Variants in ZFHX3 observed in about 807,000 individuals in gnomAD.
ZFHX3 encodes zinc finger homeobox 3.
A neutral mutation model predicts 279.1 loss-of-function variants in ZFHX3; 42 were observed. The ratio of observed to expected loss-of-function variants is 0.15; its 90% CI spans 0.12 to 0.19. The LOEUF is 0.19. ZFHX3 is among the 10% of genes least tolerant of loss of function. The pLI is 1.00. For synonymous variants in ZFHX3, 2,293 were observed against 1,957.8 expected (o/e 1.17, Z -4.52); for missense variants, 4,981 against 4,754.0 (o/e 1.05, Z -1.40).
At chr16:72,971,852 A>G (rs895250259) in intron 1 of ZFHX3, among the ~76,000 whole-genome samples, 15 of 149,412 alleles carry the variant, frequency 1.0e-4, no homozygotes, top group African/African-American at 1.5e-4. Context: ...CTGGCAGTCT[A>G]CATTTCTTTT....
At chr16:72,834,043 T>C (rs1162271340) in intron 4 of ZFHX3, among the ~76,000 whole-genome samples, 1 of 152,080 alleles carries the variant, frequency 6.6e-6, no homozygotes. Flanking sequence ...ACTCAGGAGT[T>C]TGAGACCAAC....
intron 3 of ZFHX3, among the ~76,000 whole-genome samples, chr16:73,449,867 A>T (rs1378639261): frequency 1.3e-5 from 2 of 149,136 alleles, no homozygotes. Context: ...AGATTGTTTC[A>T]GAACTATATT....
intron 1 of ZFHX3, among the ~76,000 whole-genome samples, chr16:73,736,425 C>T (rs1009193747): frequency 6.6e-6 from 1 of 152,214 alleles, no homozygotes; most frequent in African/African-American, 2.4e-5. Flanking sequence ...AAACATCATC[C>T]TCATTCCTCA....
Position 72,798,005 on chromosome 16 carries a change from G to T in ZFHX3, c.4677C>A (p.Ile1559=), listed in dbSNP as rs2035974117. ...VCKESFTQKN[I]LLVHYNSVSH... is the part of the protein sequence containing the mutation. ...AGACAGAATTGTAGTGTACTAGCAG[G>T]ATATTCTTTTGAGTGAAAGATTCCT... The change falls in exon 9 of 10, where the codon ATC becomes ATA. Residue 1559 remains isoleucine, a synonymous_variant. Coordinates refer to ENST00000268489, the MANE Select transcript of ZFHX3 (RefSeq NM_006885.4). 1.7e-5 allele frequency: 27 copies of T among 1,614,090 alleles called. No homozygotes were observed. The highest frequency in any genetic ancestry group is 2.1e-5 in the Non-Finnish European group (25 of 1,180,050).
intron 4 of ZFHX3, among the ~76,000 whole-genome samples, chr16:73,297,914 G>T (rs1195391100): frequency 1.3e-5 from 2 of 151,926 alleles, no homozygotes; most frequent in African/African-American, 4.9e-5. Context: ...TCCAGGCTTG[G>T]TGACTGACAC....
chr16:73,029,423 C>G (rs1265930430), intron 1 of ZFHX3, among the ~76,000 whole-genome samples: 3 of 152,200 alleles, frequency 2.0e-5, no homozygotes. Context: ...CTAAAGCTCC[C>G]TTCCCTGAAA....
At chr16:73,705,143 GATT>G (rs1243515592) in intron 1 of ZFHX3, among the ~76,000 whole-genome samples, 8 of 152,262 alleles carry the variant, frequency 5.3e-5, no homozygotes, top group Admixed American at 2.6e-4. Flanking sequence ...ATTACAAAGT[GATT>G]ATTATCTTTG....
chr16:72,801,505 GGA>G (rs2036098255), intron 7 of ZFHX3, among the ~76,000 whole-genome samples: 1 of 152,128 alleles, frequency 6.6e-6, no homozygotes, highest in South Asian at 2.1e-4. Flanking sequence ...CATCAACATA[GGA>G]TAACTCCTCA....
chr16:72,873,577 G>C (rs1311563310), intron 4 of ZFHX3, among the ~76,000 whole-genome samples: 1 of 151,966 alleles, frequency 6.6e-6, no homozygotes, highest in East Asian at 1.9e-4. Flanking sequence ...TTTCCATCAA[G>C]TATAGTTCAT....
chr16:73,314,322 C>T (rs1597279638), intron 4 of ZFHX3, among the ~76,000 whole-genome samples: 2 of 152,334 alleles, frequency 1.3e-5, no homozygotes, highest in South Asian at 2.1e-4. Context: ...AGCCTCTATA[C>T]TCACTCCTTG....
At chr16:73,634,461 T>TATATATATATATATATATAA (rs1567538532) in intron 2 of ZFHX3, among the ~76,000 whole-genome samples, 1 of 140,982 alleles carries the variant, frequency 7.1e-6, no homozygotes, top group African/African-American at 2.8e-5. Flanking sequence ...TATATATATA[T>TATATATATATATATATATAA]AAAATATATA....
chr16:73,020,195 C>A (rs565145570), intron 1 of ZFHX3, among the ~76,000 whole-genome samples: 3 of 152,102 alleles, frequency 2.0e-5, no homozygotes, highest in Admixed American at 2.0e-4. Flanking sequence ...ACAGAGGCAC[C>A]GGGAGGCCTG....
chr16:73,024,322 A>G (rs1964416955), intron 1 of ZFHX3, among the ~76,000 whole-genome samples: 1 of 152,192 alleles, frequency 6.6e-6, no homozygotes, highest in Non-Finnish European at 1.5e-5. Flanking sequence ...GATGGGAGGC[A>G]GCAGACGCCA....
chr16:73,071,933 C>T (rs1031414891), intron 8 of ZFHX3, among the ~76,000 whole-genome samples: 2 of 152,216 alleles, frequency 1.3e-5, no homozygotes, highest in Admixed American at 6.5e-5. Context: ...TGATGGGCCC[C>T]ATTGCTTCCA....
chr16:72,968,599 TAC>T (rs1165984416), intron 1 of ZFHX3, among the ~76,000 whole-genome samples: 1 of 151,888 alleles, frequency 6.6e-6, no homozygotes, highest in Non-Finnish European at 1.5e-5. Context: ...TAGCTGGAAC[TAC>T]AGATGCCCAC....
rs553577181 is a variant in ZFHX3, at chr16:73,402,880, G to T, written c.-1291+53123C>A. ...GGGAGGGGAGGGCTTGGGGGTGGCT[G>T]TCGTACATATGGAAAATAAAAAAAA... is the stretch of plus-strand genomic sequence containing the variant. On this transcript the variant is annotated intron_variant, in intron 3 of 17. Coordinates refer to the ZFHX3 transcript ENST00000641206. Among the ~76,000 whole-genome samples, 16 of 150,660 alleles carry T rather than the reference G, an allele frequency of 1.1e-4. No homozygotes were observed. The South Asian group carries it at 3.2e-3, about 30-fold the overall frequency.
At chr16:73,755,321 G>C (rs2053798657) in intron 1 of ZFHX3, among the ~76,000 whole-genome samples, 1 of 152,056 alleles carries the variant, frequency 6.6e-6, no homozygotes. Context: ...AAGAGAAAGA[G>C]GAGTAGAAAG....
At chr16:73,345,526 A>C (rs1597293865) in intron 3 of ZFHX3, among the ~76,000 whole-genome samples, 1 of 152,006 alleles carries the variant, frequency 6.6e-6, no homozygotes, top group Admixed American at 6.6e-5. Flanking sequence ...TTTGCTGAGG[A>C]TAATGGCTTC....
At chr16:73,722,782 C>A (rs896775713) in intron 1 of ZFHX3, among the ~76,000 whole-genome samples, 6 of 152,000 alleles carry the variant, frequency 3.9e-5, no homozygotes, top group Admixed American at 2.0e-4. Flanking sequence ...TACAGAGATC[C>A]CAAATCTCTC....
Sources: gnomAD v4.1 joint callset for allele counts (sites outside exome capture counted in the v4.1 genomes callset) on GRCh38, gnomAD v4.1.1 for gene constraint, MANE v1.5 for transcripts, NCBI Gene and HGNC (gene_info 2026-07-23, HGNC 2026-07-21) for gene names.